RCAN1: variants seen among roughly 807,000 people sequenced by gnomAD.
The protein encoded by RCAN1 is calcipressin-1.
A neutral mutation model predicts 22.9 loss-of-function variants in RCAN1; 11 were observed. That is an observed-to-expected ratio of 0.48 (90% CI 0.30 to 0.79). The LOEUF is 0.79. Among genes scored for constraint, RCAN1 ranks in the 30% least tolerant of loss-of-function variants. The pLI, the probability that RCAN1 is intolerant of heterozygous loss-of-function variation, is 0.06. For synonymous variants in RCAN1, 136 were observed against 142.3 expected (o/e 0.96, Z 0.32); for missense variants, 291 against 337.8 (o/e 0.86, Z 1.09).
At chr21:34,585,691 C>T (rs1260448105) in intron 1 of RCAN1, among the ~76,000 whole-genome samples, 8 of 132,946 alleles carry the variant, frequency 6.0e-5, no homozygotes, top group Non-Finnish European at 3.1e-5. Flanking sequence ...TGCAGTGAGC[C>T]GAGATTGTGC....
intron 1 of RCAN1, among the ~76,000 whole-genome samples, chr21:34,587,951 C>G (rs539337521): frequency 6.6e-6 from 1 of 152,146 alleles, no homozygotes; most frequent in Non-Finnish European, 1.5e-5. Flanking sequence ...TAGCCTACCC[C>G]AAGAAAGAAG....
At chr21:34,596,156 A>G (rs1988145141) in intron 1 of RCAN1, among the ~76,000 whole-genome samples, 1 of 152,276 alleles carries the variant, frequency 6.6e-6, no homozygotes, top group Admixed American at 6.5e-5. Context: ...CAAGTGGGCA[A>G]ACTGAAGCAC....
intron 1 of RCAN1, among the ~76,000 whole-genome samples, chr21:34,532,502 C>A (rs187796115): frequency 1.3e-5 from 2 of 152,222 alleles, no homozygotes; most frequent in African/African-American, 4.8e-5. Context: ...AACCTCCTGA[C>A]GGCTTGAGCC....
intron 2 of RCAN1, among the ~76,000 whole-genome samples, 173 bp downstream of exon 2, chr21:34,523,364 G>A (rs555520569): frequency 3.0e-4 from 45 of 152,304 alleles, no homozygotes; most frequent in African/African-American, 1.1e-3. Context: ...AATGCACCTT[G>A]ATATCTTCTT....
intron 1 of RCAN1, among the ~76,000 whole-genome samples, chr21:34,582,763 A>G (rs534145635): frequency 8.0e-4 from 122 of 152,324 alleles, no homozygotes; most frequent in African/African-American, 2.7e-3. Flanking sequence ...GCAGAGCTCC[A>G]GAGTGACAAG....
intron 1 of RCAN1, among the ~76,000 whole-genome samples, chr21:34,602,639 A>G (rs1261239867): frequency 3.9e-5 from 6 of 152,222 alleles, no homozygotes; most frequent in Admixed American, 3.9e-4. Context: ...CAGAATCGTG[A>G]CTCCAGCCCA....
chr21:34,529,766 GT>G (rs1269771936), intron 1 of RCAN1, among the ~76,000 whole-genome samples: 2 of 152,146 alleles, frequency 1.3e-5, no homozygotes, highest in South Asian at 4.1e-4. Context: ...GTTGGGCTGT[GT>G]CCCCACCAAA....
At chr21:34,550,803 A>G (rs1342998141) in intron 1 of RCAN1, among the ~76,000 whole-genome samples, 1 of 152,212 alleles carries the variant, frequency 6.6e-6, no homozygotes, top group East Asian at 1.9e-4. Flanking sequence ...TTCTCAAGGA[A>G]AAGCCTCTGA....
rs1248299201 is a variant in RCAN1 at position 34,614,085 on chromosome 21, TG to T, written c.252+674del. Among the ~76,000 whole-genome samples the T allele has an allele frequency of 1.3e-5, 2 of 151,812 alleles. No individual in the cohort carries two copies. Among genetic ancestry groups the T allele is most frequent in the East Asian group, 3.9e-4 (2 of 5,172 alleles). On this transcript the variant is annotated intron_variant, in intron 1 of 3. Transcript: ENST00000313806. This position sits in a 1 kb window ranked among gnomAD's most constrained non-coding sequence, Gnocchi z 6.0. ...CTAAATTGTGTGGATTTTGCGGGGG[TG>T]GGGGGAGGCGGGGGAAGGAGTCGAC... is the stretch of plus-strand genomic sequence containing the variant.
intron 1 of RCAN1, among the ~76,000 whole-genome samples, chr21:34,610,447 C>T (rs915621236): frequency 2.6e-5 from 4 of 152,150 alleles, no homozygotes; most frequent in African/African-American, 9.7e-5. Flanking sequence ...CAGGGTCAAA[C>T]AACAATCAGG....
At chr21:34,524,654 T>G (rs557303911) in intron 1 of RCAN1, 128 of 155,256 alleles carry the variant, frequency 8.2e-4, no homozygotes, top group Admixed American at 1.8e-3. Context: ...GGTTTAAAAA[T>G]TAATGTTCTG....
At position 34,615,107 on chromosome 21, in the gene RCAN1, C is replaced by G. The variant is rs1988787141; in HGVS notation, c.-96G>C. 2 of 969,924 alleles carry G rather than the reference C, an allele frequency of 2.1e-6. No individual in the cohort carries two copies. Among genetic ancestry groups the G allele is most frequent in the African/African-American group, 1.8e-5 (1 of 56,802 alleles). 60.1% of individuals were successfully genotyped at this position (969,924 alleles called of 1,614,324 possible). On this transcript the variant is annotated 5_prime_UTR_variant, in exon 1 of 4. Transcript: ENST00000313806. ...CCGGTCCGCGCCCGGCCGGCGGCTC[C>G]GCCGTTAACCCCCTCGGAATCGCGC... is the stretch of plus-strand genomic sequence containing the variant.
At chr21:34,580,828 T>C (rs545676243) in intron 1 of RCAN1, among the ~76,000 whole-genome samples, 1 of 152,312 alleles carries the variant, frequency 6.6e-6, no homozygotes, top group East Asian at 1.9e-4. Context: ...CCCTGTGATA[T>C]CCCTCCTGGC....
At chr21:34,542,258 T>A (rs1401950142) in intron 1 of RCAN1, among the ~76,000 whole-genome samples, 1 of 152,218 alleles carries the variant, frequency 6.6e-6, no homozygotes, top group African/African-American at 2.4e-5. Context: ...GTATGTCCCC[T>A]GCCCTTGAAT....
intron 1 of RCAN1, among the ~76,000 whole-genome samples, chr21:34,588,138 T>G (rs1359869172): frequency 6.6e-6 from 1 of 152,250 alleles, no homozygotes; most frequent in Non-Finnish European, 1.5e-5. Context: ...TCTATTTCTC[T>G]GGAGAACGCT....
At chr21:34,550,899 A>G (rs1198779982) in intron 1 of RCAN1, among the ~76,000 whole-genome samples, 1 of 152,182 alleles carries the variant, frequency 6.6e-6, no homozygotes, top group Non-Finnish European at 1.5e-5. Flanking sequence ...GATCCATCCA[A>G]TGGAGTGGGC....
rs571443315 is a variant in RCAN1, at chr21:34,583,467, A to C, written c.252+31293T>G. Among the ~76,000 whole-genome samples the C allele has an allele frequency of 2.0e-5, 3 of 152,268 alleles. No homozygotes were observed. The South Asian group carries it at 6.2e-4, about 32-fold the overall frequency. On this transcript the variant is annotated intron_variant, in intron 1 of 3. Transcript: ENST00000313806. ...GCCTTTAAAGAGGCAATTAAGTTAA[A>C]ATGAGGTCATGAGGGTGGGGCCCCA...
rs992737317 is a variant in RCAN1, at chr21:34,552,526, G to A, written c.253-28816C>T. ...AGGGCAGAGAAACAGGGCAAACCTG[G>A]TTTACGAGATTTTTTCCAGAGAAAA... On this transcript the variant is annotated intron_variant, in intron 1 of 3. Transcript: ENST00000313806. 2.0e-5 allele frequency among the ~76,000 whole-genome samples: 3 copies of A among 152,276 alleles called. 1 individual carries two copies. The highest frequency in any genetic ancestry group is 3.4e-3 in the Middle Eastern group (1 of 294).
At chr21:34,520,218 G>A (rs373908775) in intron 3 of RCAN1, among the ~76,000 whole-genome samples, 3 of 152,146 alleles carry the variant, frequency 2.0e-5, no homozygotes, top group Admixed American at 6.5e-5. Context: ...ATAAGCCCTC[G>A]GTGAAGGAAG....
Sources: gnomAD v4.1 joint callset for allele counts (sites outside exome capture counted in the v4.1 genomes callset) on GRCh38, gnomAD v4.1.1 for gene constraint, Gnocchi (gnomAD v3.1) non-coding constraint, MANE v1.5 for transcripts, NCBI Gene and HGNC (gene_info 2026-07-23, HGNC 2026-07-21) for gene names.